The following PTGER3 variants were observed in gnomAD, a reference collection of about 807,000 sequenced individuals.
PTGER3 encodes the protein prostaglandin E receptor 3, also known as prostaglandin E2 receptor EP3 subtype.
A neutral mutation model predicts 34.7 loss-of-function variants in PTGER3; 22 were observed. That is an observed-to-expected ratio of 0.63 (90% CI 0.45 to 0.91). PTGER3 has a LOEUF of 0.91. Among genes scored for constraint, PTGER3 ranks in the 40% least tolerant of loss-of-function variants. The pLI is 0.00. For synonymous variants in PTGER3, 241 were observed against 230.1 expected (o/e 1.05, Z -0.43); for missense variants, 468 against 519.4 (o/e 0.90, Z 0.96).
chr1:70,887,525 AT>A (rs893237382), intron 4 of PTGER3, among the ~76,000 whole-genome samples: 80 of 151,952 alleles, frequency 5.3e-4, no homozygotes, highest in African/African-American at 1.6e-3. Flanking sequence ...AGTTTTTGAT[AT>A]TTTTTTTATG....
intron 4 of PTGER3, among the ~76,000 whole-genome samples, chr1:70,921,376 T>C (rs1647505082): frequency 6.6e-6 from 1 of 152,172 alleles, no homozygotes; most frequent in African/African-American, 2.4e-5. Flanking sequence ...CCTCAGGCAA[T>C]GCTTTTCTTT....
intron 4 of PTGER3, among the ~76,000 whole-genome samples, chr1:70,892,678 T>C (rs1442209243): frequency 6.6e-6 from 1 of 151,578 alleles, no homozygotes; most frequent in East Asian, 1.9e-4. Context: ...CCGTCTCTAC[T>C]AAAAATACAA....
downstream of PTGER3, among the ~76,000 whole-genome samples, chr1:70,951,849 A>G (rs186183303): frequency 1.8e-4 from 28 of 152,334 alleles, no homozygotes; most frequent in Admixed American, 1.4e-3. Context: ...ACAAATTACT[A>G]AATAGGACAG....
intron 4 of PTGER3, among the ~76,000 whole-genome samples, chr1:70,943,703 A>G (rs1649958477): frequency 6.6e-6 from 1 of 152,068 alleles, no homozygotes; most frequent in Admixed American, 6.6e-5. Context: ...CAAATTTTGA[A>G]TTGAGAGTGA....
chr1:71,013,294 A>G (rs996190731), intron 1 of PTGER3, among the ~76,000 whole-genome samples: 3 of 152,194 alleles, frequency 2.0e-5, no homozygotes, highest in Admixed American at 6.5e-5. Context: ...AGTTATATGT[A>G]TTTGTGCGAG....
intron 4 of PTGER3, chr1:70,947,318 A>G (rs926065733): frequency 6.6e-6 from 1 of 152,088 alleles, no homozygotes; most frequent in Non-Finnish European, 1.5e-5. Flanking sequence ...GGTCTTTCCC[A>G]TGCTAGTCTC....
chr1:70,959,247 T>G (rs144018259), intron 2 of PTGER3, among the ~76,000 whole-genome samples: 85 of 152,342 alleles, frequency 5.6e-4, no homozygotes, highest in African/African-American at 1.9e-3. Context: ...ATTGAATCTG[T>G]AGATTGCATT....
At chr1:70,858,606 C>T (rs889232106) in intron 4 of PTGER3, among the ~76,000 whole-genome samples, 7 of 152,082 alleles carry the variant, frequency 4.6e-5, no homozygotes, top group African/African-American at 1.7e-4. Flanking sequence ...GATTTCTTAT[C>T]TTTCAGAAAA....
At chr1:71,000,260 G>T (rs533924691) in intron 2 of PTGER3, among the ~76,000 whole-genome samples, 1 of 152,238 alleles carries the variant, frequency 6.6e-6, no homozygotes, top group African/African-American at 2.4e-5. Context: ...ATTAACTGTT[G>T]TGTATTTGGT....
intron 1 of PTGER3, among the ~76,000 whole-genome samples, chr1:71,020,057 G>A (rs1441164841): frequency 6.6e-6 from 1 of 151,982 alleles, no homozygotes; most frequent in Non-Finnish European, 1.5e-5. Flanking sequence ...AACCAGTCTG[G>A]GCCCTTTAAA....
intron 2 of PTGER3, among the ~76,000 whole-genome samples, chr1:70,976,319 C>A (rs1653695800): frequency 6.6e-6 from 1 of 151,990 alleles, no homozygotes; most frequent in Non-Finnish European, 1.5e-5. Context: ...CAAGAGTGAA[C>A]CCTAATGTAA....
At chr1:70,943,984 T>A (rs1328806847) in intron 4 of PTGER3, among the ~76,000 whole-genome samples, 2 of 152,076 alleles carry the variant, frequency 1.3e-5, no homozygotes, top group African/African-American at 4.8e-5. Flanking sequence ...TTTCATTTGG[T>A]TTAATCTGGA....
At chr1:70,860,224 T>C (rs1645898211) in intron 4 of PTGER3, among the ~76,000 whole-genome samples, 1 of 152,194 alleles carries the variant, frequency 6.6e-6, no homozygotes, top group Admixed American at 6.5e-5. Flanking sequence ...AAATAATATA[T>C]ATTCTAATGG....
intron 2 of PTGER3, among the ~76,000 whole-genome samples, chr1:71,000,042 C>A (rs751707160): frequency 3.9e-5 from 6 of 152,160 alleles, no homozygotes; most frequent in African/African-American, 7.2e-5. Context: ...GCTGCCTCAC[C>A]ACTGCTCCCC....
intron 2 of PTGER3, among the ~76,000 whole-genome samples, chr1:70,960,119 G>T (rs923648615): frequency 6.6e-6 from 1 of 152,138 alleles, no homozygotes; most frequent in Non-Finnish European, 1.5e-5. Context: ...GGGTGGAGCA[G>T]GTTTTTCCCT....
At chr1:70,896,751 T>G (rs1343396911) in intron 4 of PTGER3, among the ~76,000 whole-genome samples, 2 of 152,232 alleles carry the variant, frequency 1.3e-5, no homozygotes, top group Non-Finnish European at 2.9e-5. Context: ...TATGATATTT[T>G]ACACTGCAAC....
intron 1 of PTGER3, among the ~76,000 whole-genome samples, chr1:71,016,821 T>G (rs1367018997): frequency 6.6e-6 from 1 of 151,840 alleles, no homozygotes; most frequent in Non-Finnish European, 1.5e-5. Flanking sequence ...AAAAATTGTA[T>G]GTATATAAAA....
At chr1:70,871,723 T>A (rs375531096) in intron 4 of PTGER3, among the ~76,000 whole-genome samples, 5 of 152,150 alleles carry the variant, frequency 3.3e-5, no homozygotes, top group Non-Finnish European at 5.9e-5. Flanking sequence ...TATTACCTAA[T>A]GAGCTAGAGG....
intron 4 of PTGER3, among the ~76,000 whole-genome samples, chr1:70,914,673 T>C (rs1489189211): frequency 6.6e-6 from 1 of 151,836 alleles, no homozygotes; most frequent in Non-Finnish European, 1.5e-5. Context: ...TGAGGTGCAA[T>C]ACCTAGAGAA....
Sources: gnomAD v4.1 joint callset for allele counts (sites outside exome capture counted in the v4.1 genomes callset) on GRCh38, gnomAD v4.1.1 for gene constraint, MANE v1.5 for transcripts, NCBI Gene and HGNC (gene_info 2026-07-23, HGNC 2026-07-21) for gene names.